Variants in ZNF215 observed in about 807,000 individuals in gnomAD.
The protein encoded by ZNF215 is BWSCR2-associated zinc finger protein 2.
In ZNF215, 24 loss-of-function variants were observed where a neutral mutation model predicts 27.2. The observed-to-expected ratio is 0.88, with a 90% CI of 0.64 to 1.24. The LOEUF (loss-of-function observed/expected upper bound fraction) is 1.24. Ranked by LOEUF, ZNF215 falls within the 50% of genes most tolerant of loss-of-function variation. The pLI is 0.00. For missense variants in ZNF215, 675 were observed against 605.7 expected (o/e 1.11, Z -1.20); for synonymous variants, 210 against 204.0 (o/e 1.03, Z -0.25).
At position 6,956,366 on chromosome 11, in the gene ZNF215, A is replaced by C; in HGVS notation, c.1389A>C (p.Gln463His). 1.2e-6 allele frequency: 2 copies of C among 1,614,178 alleles called. No individual in the cohort carries two copies. The highest frequency in any genetic ancestry group is 1.6e-4 in the Middle Eastern group (1 of 6,062). The change falls in exon 7 of 7, where the codon CAA becomes CAC. Residue 463 changes from glutamine to histidine, a missense_variant. Transcript: ENST00000278319. The part of the protein sequence containing the change: ...PTLHFGNNFY[Q>H]CVNCGKSFNR... ...TCCATTTTGGAAACAATTTCTATCA[A>C]TGTGTTAACTGTGGAAAATCCTTCA...
intron 2 of ZNF215, among the ~76,000 whole-genome samples, chr11:6,931,807 T>G (rs1849273960): frequency 6.6e-6 from 1 of 152,190 alleles, no homozygotes; most frequent in Non-Finnish European, 1.5e-5. Context: ...AAAAATGATT[T>G]GCTACCTGAT....
chr11:6,956,569 C>T lies in ZNF215; in HGVS notation c.*38C>T. 6.6e-7 allele frequency: 1 copy of T among 1,516,910 alleles called. No homozygotes were observed. Among genetic ancestry groups the T allele is most frequent in the Non-Finnish European group, 8.8e-7 (1 of 1,140,406 alleles). 94.0% of individuals were successfully genotyped at this position (1,516,910 alleles called of 1,614,324 possible). A position where few individuals can be genotyped will look rare whatever the true frequency, so the allele number is the denominator to read the frequency against. On this transcript the variant is annotated 3_prime_UTR_variant, in exon 7 of 7. Transcript: ENST00000278319. ...TGAAAGATTACCTTCAGTCAGAATG[C>T]AGAACTCATTTAACATCATGAATTT...
At chr11:6,990,230 G>A (rs951051438), downstream of ZNF215, among the ~76,000 whole-genome samples, 1 of 152,078 alleles carries the variant, frequency 6.6e-6, no homozygotes, top group Non-Finnish European at 1.5e-5. Flanking sequence ...GGATTTCTTC[G>A]TAGCAGTATG....
intron 6 of ZNF215, among the ~76,000 whole-genome samples, chr11:6,944,393 C>CT (rs74576992): frequency 0.014 from 1,924 of 136,648 alleles, 40 homozygotes; most frequent in African/African-American, 0.042. Context: ...TCCATTTTTC[C>CT]TTTTTTTTTT....
At chr11:6,991,903 A>G (rs1851120704), downstream of ZNF215, among the ~76,000 whole-genome samples, 1 of 152,236 alleles carries the variant, frequency 6.6e-6, no homozygotes, top group Non-Finnish European at 1.5e-5. Flanking sequence ...CACTGGCTCT[A>G]CTGGCATCTC....
At chr11:6,975,663 T>C (rs1850819030) in intron 5 of ZNF215, among the ~76,000 whole-genome samples, 1 of 152,082 alleles carries the variant, frequency 6.6e-6, no homozygotes, top group African/African-American at 2.4e-5. Context: ...ATCCACATTG[T>C]TGCAAATGAC....
chr11:6,979,471 T>G lies in ZNF215; in HGVS notation c.806-4658T>G, dbSNP rs558503196. Among the ~76,000 whole-genome samples, 392 of 152,208 alleles carry G rather than the reference T, an allele frequency of 2.6e-3. 2 individuals carry two copies. Among genetic ancestry groups the G allele is most frequent in the African/African-American group, 9.2e-3 (384 of 41,552 alleles). On this transcript the variant is annotated intron_variant, in intron 5 of 5. Transcript: ENST00000529903. The stretch of plus-strand genomic sequence containing the variant: ...GTTTTTTCTGTTACTTATATCTGTT[T>G]ATAAGTACTTGCTCTTTCTGTCTGT...
rs1180598378 is a variant in ZNF215, at chr11:6,956,456, G to T, written c.1479G>T (p.Lys493Asn). 6.2e-7 allele frequency: 1 copy of T among 1,614,024 alleles called. No homozygotes were observed. Residue 493 changes from lysine (K) to asparagine (N), a missense_variant, in exon 7 of 7, where the codon AAG (lysine) becomes AAT (asparagine). Physicochemically the swap from Lys to Asn is moderately conservative, Grantham distance 94. Transcript: ENST00000278319. ...IHTGEKPFKC[K>N]ECSKAFNRSS... ...CGGGAGAGAAACCATTCAAATGTAAGGAATGTAGTAAAGCCTTCAACAGGA... is the reference window on the plus strand; with the variant it reads ...CGGGAGAGAAACCATTCAAATGTAATGAATGTAGTAAAGCCTTCAACAGGA...
At chr11:6,987,021 C>G (rs564512814), downstream of ZNF215, among the ~76,000 whole-genome samples, 1 of 152,196 alleles carries the variant, frequency 6.6e-6, no homozygotes, top group African/African-American at 2.4e-5. Flanking sequence ...TTTGACCCAG[C>G]AATGACTTCT....
chr11:6,957,505 T>C lies in ZNF215; in HGVS notation c.*974T>C, dbSNP rs1442060192. On this transcript the variant is annotated 3_prime_UTR_variant, in exon 7 of 7. Coordinates refer to ENST00000278319, the MANE Select transcript of ZNF215 (RefSeq NM_013250.4). ...GGAATAACAGGGTAAATAATTATCT[T>C]ATCTGTTTTTATTAATCCGTCTTAA... 1 of 157,956 alleles carries C rather than the reference T, an allele frequency of 6.3e-6. No individual in the cohort carries two copies. The allele number at this position is 157,956 out of a possible 1,614,324, so 9.8% of individuals were successfully genotyped here. A position where few individuals can be genotyped will look rare whatever the true frequency, so the allele number is the denominator to read the frequency against.
At chr11:6,936,203 A>C (rs1047792216) in intron 3 of ZNF215, among the ~76,000 whole-genome samples, 1 of 152,008 alleles carries the variant, frequency 6.6e-6, no homozygotes, top group Non-Finnish European at 1.5e-5. Flanking sequence ...AACCAACAAA[A>C]CTGAAAGTTG....
intron 5 of ZNF215, among the ~76,000 whole-genome samples, chr11:6,978,373 C>T (rs950211506): frequency 6.6e-6 from 1 of 151,906 alleles, no homozygotes; most frequent in Admixed American, 6.6e-5. Flanking sequence ...TGGTGGGAAA[C>T]ATTTAGAACA....
Position 6,956,543 on chromosome 11 carries a change from A to G in ZNF215, c.*12A>G. On this transcript the variant is annotated 3_prime_UTR_variant, in exon 7 of 7. Transcript: ENST00000278319. ...GAGATAAGTCCTGAAAAAAGAAAAA[A>G]TGAAAGATTACCTTCAGTCAGAATG... The G allele has an allele frequency of 1.3e-6, 2 of 1,546,784 alleles. No individual in the cohort carries two copies. Among genetic ancestry groups the G allele is most frequent in the African/African-American group, 1.4e-5 (1 of 72,268 alleles).
chr11:6,937,648 C>T (rs1251179479), intron 3 of ZNF215, among the ~76,000 whole-genome samples: 3 of 151,890 alleles, frequency 2.0e-5, no homozygotes, highest in African/African-American at 7.2e-5. Context: ...CTGCAATAAT[C>T]AAAGCTATGT....
chr11:6,981,714 G>A lies in ZNF215; in HGVS notation c.806-2415G>A, dbSNP rs1377401352. Among the ~76,000 whole-genome samples, 6 of 152,122 alleles carry A rather than the reference G, an allele frequency of 3.9e-5. No homozygotes were observed. In the East Asian group the frequency reaches 1.2e-3, roughly 29 times the overall value. ...CTATGTCTTGAATGGTAATGCCTAG[G>A]TTTTCTTCAGGGTTTTTATGGTTTT... On this transcript the variant is annotated intron_variant, in intron 5 of 5. Transcript: ENST00000529903.
downstream of ZNF215, among the ~76,000 whole-genome samples, chr11:6,990,453 G>A (rs2133366464): frequency 6.6e-6 from 1 of 152,294 alleles, no homozygotes; most frequent in Admixed American, 6.5e-5. Context: ...GCTTGTGCAT[G>A]TATTAAAAAT....
rs1849049178 is a variant in ZNF215, at chr11:6,926,596, A to T, written c.-415A>T. 6.6e-6 allele frequency: 1 copy of T among 152,262 alleles called. No homozygotes were observed. Among genetic ancestry groups the T allele is most frequent in the Non-Finnish European group, 1.5e-5 (1 of 68,082 alleles). 9.4% of individuals were successfully genotyped at this position (152,262 alleles called of 1,614,324 possible). A position where few individuals can be genotyped will look rare whatever the true frequency, so the allele number is the denominator to read the frequency against. ...AGTGAGTTGAGGGTTCGGCGAGGTC[A>T]GGGATTCCTAGTTGCAGCGTGATTA... On this transcript the variant is annotated 5_prime_UTR_variant, in exon 1 of 7. Coordinates refer to ENST00000278319, the MANE Select transcript of ZNF215 (RefSeq NM_013250.4).
At chr11:6,955,559 C>T in intron 6 of ZNF215, 131 bp from the exon 7 acceptor site, 1 of 946,012 alleles carries the variant, frequency 1.1e-6, no homozygotes, top group Non-Finnish European at 1.4e-6. Context: ...GTATTTTTTT[C>T]TAACCTTGCC....
chr11:6,934,121 T>C (rs760946488), intron 3 of ZNF215, among the ~76,000 whole-genome samples: 10 of 152,188 alleles, frequency 6.6e-5, no homozygotes, highest in Non-Finnish European at 1.5e-4. Context: ...CTAAAAATTT[T>C]CTTAATGAGC....
Sources: gnomAD v4.1 joint callset for allele counts (sites outside exome capture counted in the v4.1 genomes callset) on GRCh38, gnomAD v4.1.1 for gene constraint, MANE v1.5 for transcripts, NCBI Gene and HGNC (gene_info 2026-07-23, HGNC 2026-07-21) for gene names.